FREM3: variants seen among roughly 807,000 people sequenced by gnomAD.
FREM3 encodes the protein FRAS1 related extracellular matrix 3.
In FREM3, 105 loss-of-function variants were observed where a neutral mutation model predicts 129.1. That is an observed-to-expected ratio of 0.81 (90% CI 0.69 to 0.96). The LOEUF is 0.96. Ranked by LOEUF, FREM3 falls within the 40% of genes least tolerant of loss-of-function variation. The pLI is 0.00. For missense variants in FREM3, 2,593 were observed against 2,666.3 expected (o/e 0.97, Z 0.61); for synonymous variants, 1,014 against 1,044.9 (o/e 0.97, Z 0.57).
rs1383573245 is a variant in FREM3, at chr4:143,699,834, G to A, written c.842C>T (p.Ser281Phe). ...LLGPEGQDAG[S>F]AGVLVREHFQ... Reference sequence around the variant, plus strand: ...GTGCTCGCGGACCAGCACACCCGCGGACCCAGCGTCTTGGCCCTCAGGCCC... The same window carrying A: ...GTGCTCGCGGACCAGCACACCCGCGAACCCAGCGTCTTGGCCCTCAGGCCC... The change falls in exon 1 of 8, where the codon TCC becomes TTC. Residue 281 changes from serine (S) to phenylalanine (F), a missense_variant. Ser to Phe is a radical substitution (Grantham distance 155, BLOSUM62 -2). This residue lies in a region of FREM3 where 2,276 missense variants were observed against 2,267.2 expected (regional missense o/e 1.00). Transcript: ENST00000329798. This position sits in a 1 kb window ranked among gnomAD's most constrained non-coding sequence, Gnocchi z 4.2. 2 of 1,536,572 alleles carry A rather than the reference G, an allele frequency of 1.3e-6. No homozygotes were observed. The highest frequency in any genetic ancestry group is 1.7e-6 in the Non-Finnish European group (2 of 1,146,898).
chr4:143,667,966 CATTT>C (rs1739894333), intron 2 of FREM3, among the ~76,000 whole-genome samples: 1 of 152,118 alleles, frequency 6.6e-6, no homozygotes, highest in African/African-American at 2.4e-5. Context: ...TTCTTCAGTG[CATTT>C]ATTAGATATG....
Position 143,700,401 on chromosome 4 carries a change from C to G in FREM3, c.275G>C (p.Gly92Ala). ...LRDLVIGVQP[G>A]DRCEVTVLDA... ...CAGTACCGTGACTTCGCACCGGTCC[C>G]CCGGCTGCACTCCAATCACCAGATC... Residue 92 changes from glycine (G) to alanine (A), a missense_variant, in exon 1 of 8, where the codon GGG (glycine) becomes GCG (alanine). Coordinates refer to ENST00000329798, the MANE Select transcript of FREM3 (RefSeq NM_001168235.2). The G allele has an allele frequency of 1.3e-6, 2 of 1,534,466 alleles. No homozygotes were observed. Among genetic ancestry groups the G allele is most frequent in the Non-Finnish European group, 1.7e-6 (2 of 1,145,780 alleles).
intron 2 of FREM3, among the ~76,000 whole-genome samples, chr4:143,651,002 T>G (rs1425360228): frequency 6.6e-6 from 1 of 152,258 alleles, no homozygotes; most frequent in Non-Finnish European, 1.5e-5. Context: ...GCTCATTTAT[T>G]TGATCACTAT....
At chr4:143,648,909 G>T (rs959442709) in intron 2 of FREM3, among the ~76,000 whole-genome samples, 6 of 151,988 alleles carry the variant, frequency 3.9e-5, no homozygotes, top group African/African-American at 1.2e-4. Context: ...CTACATGTGT[G>T]CACCACCACA....
At chr4:143,661,654 A>G (rs1739726206) in intron 2 of FREM3, among the ~76,000 whole-genome samples, 2 of 152,176 alleles carry the variant, frequency 1.3e-5, no homozygotes, top group Non-Finnish European at 2.9e-5. Flanking sequence ...GAATAGTTTC[A>G]GAAGGAATGG....
chr4:143,585,666 G>A lies in FREM3; in HGVS notation c.6178+178C>T, dbSNP rs193221635. ...TCATAAAGGCTGCTGTTTGAATAAT[G>A]TACTTATTTTGTAACCAGCAGAAGT... On this transcript the variant is annotated intron_variant, in intron 7 of 7. Coordinates refer to ENST00000329798, the MANE Select transcript of FREM3 (RefSeq NM_001168235.2). The surrounding 1 kb of genome is among the most constrained non-coding windows in gnomAD (Gnocchi z 4.2). 1.4e-3 allele frequency among the ~76,000 whole-genome samples: 220 copies of A among 152,306 alleles called. No homozygotes were observed. The highest frequency in any genetic ancestry group is 2.2e-3 in the Non-Finnish European group (151 of 68,032).
chr4:143,582,104 A>G (rs1738157640), intron 7 of FREM3, among the ~76,000 whole-genome samples: 1 of 150,700 alleles, frequency 6.6e-6, no homozygotes. Context: ...TGGAGCTCCA[A>G]GAGACAAGTC....
chr4:143,583,318 C>A (rs777740396), intron 7 of FREM3, among the ~76,000 whole-genome samples: 1 of 152,084 alleles, frequency 6.6e-6, no homozygotes, highest in Non-Finnish European at 1.5e-5. Flanking sequence ...TGTAAAGAGA[C>A]CAAATCTACG....
At chr4:143,648,128 C>A (rs573889632) in intron 2 of FREM3, among the ~76,000 whole-genome samples, 1 of 152,320 alleles carries the variant, frequency 6.6e-6, no homozygotes, top group East Asian at 1.9e-4. Context: ...TTTGACTGCC[C>A]TGCTGGATTC....
intron 6 of FREM3, among the ~76,000 whole-genome samples, chr4:143,589,747 C>T (rs1738320741): frequency 1.3e-5 from 2 of 152,084 alleles, no homozygotes; most frequent in South Asian, 2.1e-4. Flanking sequence ...TCCATATGAA[C>T]TTTAAAGTAG....
chr4:143,589,121 C>T lies in FREM3; in HGVS notation c.6029-3128G>A, dbSNP rs528237144. Among the ~76,000 whole-genome samples the T allele has an allele frequency of 1.8e-4, 27 of 152,120 alleles. No individual in the cohort carries two copies. In the East Asian group the frequency reaches 4.1e-3, roughly 23 times the overall value. On this transcript the variant is annotated intron_variant, in intron 6 of 7. Coordinates refer to ENST00000329798, the MANE Select transcript of FREM3 (RefSeq NM_001168235.2). ...TTTCTTGTAAATTTGTTTGAGTTCA[C>T]TGTAGATTCTGGATATTAGCCCTTT...
At chr4:143,609,465 A>G (rs1335390729) in intron 6 of FREM3, among the ~76,000 whole-genome samples, 1 of 150,110 alleles carries the variant, frequency 6.7e-6, no homozygotes. Context: ...TGTGAAGTGG[A>G]CTATGTAGAA....
At chr4:143,592,151 GT>G (rs1738375988) in intron 6 of FREM3, among the ~76,000 whole-genome samples, 1 of 152,110 alleles carries the variant, frequency 6.6e-6, no homozygotes, top group Non-Finnish European at 1.5e-5. Context: ...CGTGAGATGG[GT>G]TTCCTGAATA....
At chr4:143,666,975 A>G (rs1739874339) in intron 2 of FREM3, among the ~76,000 whole-genome samples, 1 of 152,176 alleles carries the variant, frequency 6.6e-6, no homozygotes, top group Non-Finnish European at 1.5e-5. Flanking sequence ...TATGAATTAT[A>G]TCTCAAGAAA....
chr4:143,693,791 G>A (rs1184182781), intron 1 of FREM3, among the ~76,000 whole-genome samples: 3 of 152,086 alleles, frequency 2.0e-5, no homozygotes, highest in Admixed American at 2.0e-4. Flanking sequence ...CATGTCTTTT[G>A]TTGTTCTTCT....
chr4:143,593,841 T>C (rs1042961734), intron 6 of FREM3, among the ~76,000 whole-genome samples: 4 of 152,238 alleles, frequency 2.6e-5, no homozygotes, highest in African/African-American at 7.2e-5. Flanking sequence ...AGGTGGAGTC[T>C]ACAGAGGCAG....
At chr4:143,659,066 CTTTAT>C (rs1044275216) in intron 2 of FREM3, among the ~76,000 whole-genome samples, 3 of 138,528 alleles carry the variant, frequency 2.2e-5, no homozygotes, top group African/African-American at 8.0e-5. Flanking sequence ...ACTTGAATTT[CTTTAT>C]TTTATTTATT....
intron 2 of FREM3, among the ~76,000 whole-genome samples, chr4:143,683,296 CT>C: frequency 6.6e-6 from 1 of 152,314 alleles, no homozygotes; most frequent in South Asian, 2.1e-4. Context: ...CACAGACCCT[CT>C]GAAGGAAGCG....
intron 6 of FREM3, among the ~76,000 whole-genome samples, chr4:143,590,678 A>C (rs1051393589): frequency 3.3e-5 from 5 of 152,144 alleles, no homozygotes; most frequent in Admixed American, 6.5e-5. Flanking sequence ...ATGTTCATCA[A>C]GGATATTGGT....
Sources: gnomAD v4.1 joint callset for allele counts (sites outside exome capture counted in the v4.1 genomes callset) on GRCh38, gnomAD v4.1.1 for gene constraint, gnomAD v4.1.1 regional missense constraint, Gnocchi (gnomAD v3.1) non-coding constraint, MANE v1.5 for transcripts, NCBI Gene and HGNC (gene_info 2026-07-23, HGNC 2026-07-21) for gene names.